ZNF652: variants seen among roughly 807,000 people sequenced by gnomAD.
The protein encoded by ZNF652 is zinc finger protein 652.
Under a neutral mutation model 45.2 loss-of-function variants are expected in ZNF652, and 16 were observed. The ratio of observed to expected loss-of-function variants is 0.35; its 90% CI spans 0.24 to 0.54. ZNF652 has a LOEUF of 0.54. ZNF652 is among the 20% of genes least tolerant of loss of function. ZNF652 has a pLI of 0.91. For synonymous variants in ZNF652, 250 were observed against 260.6 expected (o/e 0.96, Z 0.39); for missense variants, 614 against 765.6 (o/e 0.80, Z 2.34).
downstream of ZNF652, chr17:49,289,089 C>T (rs1433474976): frequency 6.6e-6 from 1 of 152,134 alleles, no homozygotes; most frequent in African/African-American, 2.4e-5. Flanking sequence ...CAAATAACAG[C>T]AGAAGAGGAC....
chr17:49,329,020 A>G (rs559335351), intron 1 of ZNF652, among the ~76,000 whole-genome samples: 2 of 152,346 alleles, frequency 1.3e-5, no homozygotes, highest in Admixed American at 6.5e-5. Context: ...CCTTTACAAT[A>G]CAAAGCAAAT....
intron 1 of ZNF652, among the ~76,000 whole-genome samples, chr17:49,347,821 T>C (rs571683671): frequency 3.9e-4 from 54 of 139,044 alleles, no homozygotes; most frequent in Middle Eastern, 3.8e-3. Context: ...CACAGCTCAC[T>C]AGAGCCTCAA....
rs552421408 is a variant in ZNF652, at chr17:49,350,535, C to T, written c.-259+11374G>A. Among the ~76,000 whole-genome samples the T allele has an allele frequency of 4.8e-4, 39 of 80,540 alleles. 1 individual carries two copies. Among genetic ancestry groups the T allele is most frequent in the Admixed American group, 4.7e-3 (39 of 8,352 alleles). 52.8% of individuals were successfully genotyped at this position (80,540 alleles called of 152,430 possible). ...GCTCAGGTGACAGAGATGAGAGACT[C>T]CGCCTCAAAAAAAAAAAAAAAAATT... On this transcript the variant is annotated intron_variant, in intron 1 of 5. Coordinates refer to ENST00000430262, the MANE Select transcript of ZNF652 (RefSeq NM_001145365.3).
intron 1 of ZNF652, among the ~76,000 whole-genome samples, chr17:49,350,304 C>T (rs1190886204): frequency 6.6e-6 from 1 of 151,834 alleles, no homozygotes; most frequent in Non-Finnish European, 1.5e-5. Flanking sequence ...TTTGGGAGGC[C>T]AAGGCGGGCA....
At chr17:49,334,605 C>T (rs575026412) in intron 1 of ZNF652, among the ~76,000 whole-genome samples, 1 of 152,034 alleles carries the variant, frequency 6.6e-6, no homozygotes, top group African/African-American at 2.4e-5. Flanking sequence ...ATGGTGAAAC[C>T]CCATCTCTAC....
At chr17:49,334,699 A>G (rs2070061499) in intron 1 of ZNF652, among the ~76,000 whole-genome samples, 1 of 151,852 alleles carries the variant, frequency 6.6e-6, no homozygotes, top group Admixed American at 6.6e-5. Flanking sequence ...GAATTGCTTG[A>G]ACTCAGGAGG....
intron 1 of ZNF652, among the ~76,000 whole-genome samples, chr17:49,349,177 C>G (rs2070243611): frequency 6.6e-6 from 1 of 152,160 alleles, no homozygotes; most frequent in South Asian, 2.1e-4. Flanking sequence ...CGCCTGTAAT[C>G]CCAGTACTTT....
In ZNF652 at chr17:49,291,888, C is replaced by G. The variant is rs1042266744; in HGVS notation, c.*6525G>C. On this transcript the variant is annotated 3_prime_UTR_variant, in exon 6 of 6. Coordinates refer to ENST00000430262, the MANE Select transcript of ZNF652 (RefSeq NM_001145365.3). The stretch of plus-strand genomic sequence containing the variant: ...CTTTTTCATTTTGTAAACTCACCTT[C>G]CCATCCCAAATAGCAGTGAAGCCTT... Among the ~76,000 whole-genome samples, 1 of 152,206 alleles carries G rather than the reference C, an allele frequency of 6.6e-6. No homozygotes were observed. The highest frequency in any genetic ancestry group is 1.5e-5 in the Non-Finnish European group (1 of 68,024).
intron 1 of ZNF652, among the ~76,000 whole-genome samples, chr17:49,358,968 C>T (rs535731875): frequency 1.8e-4 from 27 of 152,298 alleles, no homozygotes; most frequent in Admixed American, 1.5e-3. Context: ...TTCCAGCTTC[C>T]AAGTTCTGAA....
At chr17:49,361,879 G>A (rs1598324318) in intron 1 of ZNF652, 30 bp downstream of exon 1, 1 of 150,916 alleles carries the variant, frequency 6.6e-6, no homozygotes, top group South Asian at 2.1e-4. Flanking sequence ...CGGCGGTGGC[G>A]AGTGCGTGGG....
In ZNF652 at chr17:49,311,436, C is replaced by T; in HGVS notation, c.1185G>A (p.Gln395=). 1 of 1,614,070 alleles carries T rather than the reference C, an allele frequency of 6.2e-7. No homozygotes were observed. The change falls in exon 5 of 6, where the codon CAG becomes CAA. Residue 395 remains glutamine (Q), a synonymous_variant. Coordinates refer to ENST00000430262, the MANE Select transcript of ZNF652 (RefSeq NM_001145365.3). ...FRCENCDERF[Q]YKYQLRSHMS... is the part of the protein sequence containing the mutation. Reference sequence around the variant, plus strand: ...TGTGGGAGCGTAGCTGGTACTTGTACTGAAACCTTTCGTCACAGTTCTGCA... The same window carrying T: ...TGTGGGAGCGTAGCTGGTACTTGTATTGAAACCTTTCGTCACAGTTCTGCA...
chr17:49,324,210 C>T (rs2069930064), intron 1 of ZNF652, among the ~76,000 whole-genome samples: 1 of 152,184 alleles, frequency 6.6e-6, no homozygotes, highest in Non-Finnish European at 1.5e-5. Context: ...ACCTCATGAA[C>T]CAACCTCTCT....
intron 1 of ZNF652, among the ~76,000 whole-genome samples, chr17:49,320,652 G>A (rs2069877026): frequency 6.6e-6 from 1 of 151,978 alleles, no homozygotes; most frequent in Non-Finnish European, 1.5e-5. Context: ...TCTAACCCAT[G>A]GAAACAATGT....
chr17:49,359,651 C>T (rs904094099), intron 1 of ZNF652, among the ~76,000 whole-genome samples: 1 of 152,134 alleles, frequency 6.6e-6, no homozygotes. Flanking sequence ...AAGGCAAAAG[C>T]TGGGTGCAGA....
intron 1 of ZNF652, among the ~76,000 whole-genome samples, chr17:49,320,887 G>C (rs1598298751): frequency 7.0e-6 from 1 of 143,176 alleles, no homozygotes; most frequent in African/African-American, 2.6e-5. Context: ...GAGTCTCGCT[G>C]TCACCCACAC....
At chr17:49,355,891 A>G (rs1045658134) in intron 1 of ZNF652, among the ~76,000 whole-genome samples, 5 of 151,870 alleles carry the variant, frequency 3.3e-5, no homozygotes, top group African/African-American at 4.8e-5. Context: ...ATAGCGAGAC[A>G]CCAATTAAAA....
At position 49,315,046 on chromosome 17, in the gene ZNF652, T is replaced by G. The variant is rs989112313; in HGVS notation, c.900+1780A>C. On this transcript the variant is annotated intron_variant, in intron 2 of 5. Coordinates refer to ENST00000430262, the MANE Select transcript of ZNF652 (RefSeq NM_001145365.3). ...CTTAGGGGAGGGTTTTAGTTTGTTT[T>G]TTTTTTTTTTTTGAGACGGAGCTTC... Among the ~76,000 whole-genome samples, 43 of 148,378 alleles carry G rather than the reference T, an allele frequency of 2.9e-4. 1 individual carries two copies. The highest frequency in any genetic ancestry group is 2.0e-4 in the East Asian group (1 of 4,996).
rs778496339 is a variant in ZNF652, at chr17:49,298,526, G to A, written c.1708C>T (p.Leu570Phe). The change falls in exon 6 of 6, where the codon CTC becomes TTC. Residue 570 changes from leucine (L) to phenylalanine (F), a missense_variant. Physicochemically the swap from Leu to Phe is conservative, Grantham distance 22. This residue lies in a region of ZNF652 where 132 missense variants were observed against 137.2 expected (regional missense o/e 0.96). Transcript: ENST00000430262. ...TTAAAGAGAGCTGGAGGTGGCGGGAGGTGAGGGACTGGAGGGATGGGAAGG... is the reference window on the plus strand; with the variant it reads ...TTAAAGAGAGCTGGAGGTGGCGGGAAGTGAGGGACTGGAGGGATGGGAAGG... ...HHLPIPPVPH[L>F]PPPPALFKSE... is the part of the protein sequence containing the mutation. 3 of 1,612,598 alleles carry A rather than the reference G, an allele frequency of 1.9e-6. No homozygotes were observed. The highest frequency in any genetic ancestry group is 1.1e-5 in the South Asian group (1 of 90,962).
At position 49,292,711 on chromosome 17, in the gene ZNF652, T is replaced by C. The variant is rs1004388718; in HGVS notation, c.*5702A>G. 6.6e-6 allele frequency among the ~76,000 whole-genome samples: 1 copy of C among 152,098 alleles called. No homozygotes were observed. The highest frequency in any genetic ancestry group is 2.4e-5 in the African/African-American group (1 of 41,408). ...TAATTTTAAAGGAACGTCAAATTTCTGGTGAAAGTAAAAAAAGTGAAGAGT... is the reference window on the plus strand; with the variant it reads ...TAATTTTAAAGGAACGTCAAATTTCCGGTGAAAGTAAAAAAAGTGAAGAGT... On this transcript the variant is annotated 3_prime_UTR_variant, in exon 6 of 6. Coordinates refer to ENST00000430262, the MANE Select transcript of ZNF652 (RefSeq NM_001145365.3).
Sources: allele counts gnomAD v4.1 joint callset (sites outside exome capture counted in the v4.1 genomes callset), GRCh38; gene constraint gnomAD v4.1.1; regional missense constraint gnomAD v4.1.1; transcripts MANE v1.5; gene names NCBI Gene and HGNC (gene_info 2026-07-23, HGNC 2026-07-21).